Variants in ARHGEF7 observed in about 807,000 individuals in gnomAD.
The protein encoded by ARHGEF7 is Rho guanine nucleotide exchange factor 7, also known as PAK-interacting exchange factor beta.
Under a neutral mutation model 109.8 loss-of-function variants are expected in ARHGEF7, and 33 were observed. That is an observed-to-expected ratio of 0.30 (90% CI 0.23 to 0.40). ARHGEF7 has a LOEUF of 0.40. Among genes scored for constraint, ARHGEF7 ranks in the 10% least tolerant of loss-of-function variants. ARHGEF7 has a pLI of 1.00. For missense variants in ARHGEF7, 938 were observed against 1,098.5 expected (o/e 0.85, Z 2.07); for synonymous variants, 458 against 424.6 (o/e 1.08, Z -0.97).
intron 15 of ARHGEF7, among the ~76,000 whole-genome samples, chr13:111,282,271 C>T (rs573455231): frequency 3.3e-5 from 5 of 152,182 alleles, no homozygotes; most frequent in South Asian, 2.1e-4. Flanking sequence ...CAGTTCACAG[C>T]GCCACACAGC....
intron 5 of ARHGEF7, among the ~76,000 whole-genome samples, chr13:111,221,533 C>CATATCGATATATCTA (rs1566876374): frequency 3.0e-5 from 1 of 33,810 alleles, no homozygotes; most frequent in Non-Finnish European, 5.7e-5. Context: ...CTATATATAT[C>CATATCGATATATCTA]TATATATAGA....
chr13:111,293,803 A>G (rs2093359678), intron 19 of ARHGEF7: 4 of 985,294 alleles, frequency 4.1e-6, no homozygotes, highest in Non-Finnish European at 4.8e-6. Flanking sequence ...AAACCCACGT[A>G]TTCAGTGTTC....
chr13:111,280,516 AT>A lies in ARHGEF7; in HGVS notation c.1586-16del, dbSNP rs1278665542. 6 of 1,580,292 alleles carry A rather than the reference AT, an allele frequency of 3.8e-6. No homozygotes were observed. In the African/African-American group the frequency reaches 4.1e-5, roughly 11 times the overall value. ...TTTTACCTGTGTTTCCACTCGGCCTATTTTTTCCTTCTCTCCTATAGGGAGC... is the reference window on the plus strand; with the variant it reads ...TTTTACCTGTGTTTCCACTCGGCCTATTTTTCCTTCTCTCCTATAGGGAGC... On this transcript the variant is annotated intron_variant, in intron 14 of 21. Coordinates refer to ENST00000646102, the MANE Select transcript of ARHGEF7 (RefSeq NM_001354046.2).
At chr13:111,244,877 A>G (rs1387117548) in intron 8 of ARHGEF7, among the ~76,000 whole-genome samples, 21 of 152,206 alleles carry the variant, frequency 1.4e-4, no homozygotes, top group Admixed American at 1.4e-3. Flanking sequence ...TAGCGTAAAA[A>G]TCTGTGCTTC....
chr13:111,154,443 A>AT lies in ARHGEF7; in HGVS notation c.252+452_252+453insT, dbSNP rs555981168. Reference sequence around the variant, plus strand: ...AGGTGATCAGGCAAAGTCGTGCAGAAATAAAATGGGCCAGCCCTCCGCCTG... The same window carrying AT: ...AGGTGATCAGGCAAAGTCGTGCAGAATATAAAATGGGCCAGCCCTCCGCCTG... On this transcript the variant is annotated intron_variant, in intron 2 of 21. Transcript: ENST00000646102. 4.6e-3 allele frequency among the ~76,000 whole-genome samples: 700 copies of AT among 152,302 alleles called. 3 individuals carry two copies. The highest frequency in any genetic ancestry group is 0.014 in the African/African-American group (590 of 41,560).
At chr13:111,289,480 C>T (rs1340141439) in intron 18 of ARHGEF7, among the ~76,000 whole-genome samples, 2 of 152,206 alleles carry the variant, frequency 1.3e-5, no homozygotes, top group Non-Finnish European at 2.9e-5. Flanking sequence ...GCTGCTGGGG[C>T]CTCGGACACC....
intron 3 of ARHGEF7, among the ~76,000 whole-genome samples, 194 bp downstream of exon 3, chr13:111,205,567 C>T (rs2081725531): frequency 6.6e-6 from 1 of 152,094 alleles, no homozygotes; most frequent in African/African-American, 2.4e-5. Flanking sequence ...TTTAAATGTT[C>T]TGGTATATAT....
At chr13:111,123,202 C>G (rs895168765) in intron 1 of ARHGEF7, among the ~76,000 whole-genome samples, 21 of 152,326 alleles carry the variant, frequency 1.4e-4, no homozygotes, top group African/African-American at 4.8e-4. Flanking sequence ...CTTGGAAAGG[C>G]TTGCACTTTT....
intron 6 of ARHGEF7, among the ~76,000 whole-genome samples, chr13:111,233,907 G>A (rs919039253): frequency 1.3e-5 from 2 of 152,136 alleles, no homozygotes; most frequent in Non-Finnish European, 2.9e-5. Flanking sequence ...AATCTGTGTC[G>A]TCTAAACCTT....
intron 2 of ARHGEF7, among the ~76,000 whole-genome samples, chr13:111,181,304 C>T (rs1368900171): frequency 1.3e-5 from 2 of 152,152 alleles, no homozygotes; most frequent in Non-Finnish European, 2.9e-5. Context: ...GTCCCAACTT[C>T]AAATTTTACA....
intron 2 of ARHGEF7, among the ~76,000 whole-genome samples, chr13:111,177,837 G>A (rs2078314741): frequency 6.7e-6 from 1 of 148,296 alleles, no homozygotes; most frequent in Admixed American, 6.7e-5. Flanking sequence ...GGAAAAAAGT[G>A]TTAAGAAGGG....
chr13:111,173,430 C>T (rs1032409436), intron 2 of ARHGEF7, among the ~76,000 whole-genome samples: 2 of 152,210 alleles, frequency 1.3e-5, no homozygotes, highest in African/African-American at 4.8e-5. Context: ...TTGACCAATT[C>T]CAGGCCTCTG....
At chr13:111,138,306 T>G (rs1248846169) in intron 1 of ARHGEF7, among the ~76,000 whole-genome samples, 1 of 151,050 alleles carries the variant, frequency 6.6e-6, no homozygotes, top group East Asian at 1.9e-4. Context: ...AGAGCGAAAC[T>G]CTGTCTCAAA....
rs1452655871 is a variant in ARHGEF7 at position 111,288,335 on chromosome 13, G to A, written c.2045-19G>A. Reference sequence around the variant, plus strand: ...AGGCCTTTCAGTTCGACTGTGAACTGTTGCGCATCTCTTGACAGGCACAGC... The same window carrying A: ...AGGCCTTTCAGTTCGACTGTGAACTATTGCGCATCTCTTGACAGGCACAGC... On this transcript the variant is annotated intron_variant, in intron 17 of 21. Coordinates refer to ENST00000646102, the MANE Select transcript of ARHGEF7 (RefSeq NM_001354046.2). 6.2e-7 allele frequency: 1 copy of A among 1,601,430 alleles called. No homozygotes were observed. The highest frequency in any genetic ancestry group is 8.6e-7 in the Non-Finnish European group (1 of 1,169,088).
intron 8 of ARHGEF7, among the ~76,000 whole-genome samples, chr13:111,261,227 A>AC (rs1399554370): frequency 2.4e-4 from 37 of 152,136 alleles, no homozygotes; most frequent in Non-Finnish European, 4.1e-4. Context: ...AAGACAAAAA[A>AC]CCCAATGATC....
At chr13:111,158,583 C>T (rs895336408) in intron 2 of ARHGEF7, among the ~76,000 whole-genome samples, 1 of 152,206 alleles carries the variant, frequency 6.6e-6, no homozygotes, top group East Asian at 1.9e-4. Flanking sequence ...CCAGGTGGTT[C>T]AGAACAGAAA....
chr13:111,287,548 G>T (rs986419887), intron 17 of ARHGEF7, among the ~76,000 whole-genome samples: 2 of 152,366 alleles, frequency 1.3e-5, no homozygotes, highest in Non-Finnish European at 2.9e-5. Flanking sequence ...AACAAAACAA[G>T]TGAACAATGT....
At chr13:111,291,579 G>A in intron 18 of ARHGEF7, among the ~76,000 whole-genome samples, 1 of 152,218 alleles carries the variant, frequency 6.6e-6, no homozygotes, top group East Asian at 1.9e-4. Context: ...TCAGGTTTAT[G>A]GTCTTGGCAA....
chr13:111,195,086 A>G (rs934852280), intron 2 of ARHGEF7, among the ~76,000 whole-genome samples: 2 of 152,152 alleles, frequency 1.3e-5, no homozygotes, highest in Non-Finnish European at 2.9e-5. Flanking sequence ...TGAGCTTTCA[A>G]ATGTTTAACA....
Sources: allele counts gnomAD v4.1 joint callset (sites outside exome capture counted in the v4.1 genomes callset), GRCh38; gene constraint gnomAD v4.1.1; transcripts MANE v1.5; gene names NCBI Gene and HGNC (gene_info 2026-07-23, HGNC 2026-07-21).